The following CKAP5 variants were observed in gnomAD, a reference collection of about 807,000 sequenced individuals.
CKAP5 encodes the protein cytoskeleton-associated protein 5.
Under a neutral mutation model 232.8 loss-of-function variants are expected in CKAP5, and 27 were observed. The observed-to-expected ratio is 0.12, with a 90% confidence interval of 0.09 to 0.16. The LOEUF (loss-of-function observed/expected upper bound fraction) is 0.16. CKAP5 is among the 10% of genes least tolerant of loss of function. CKAP5 has a pLI of 1.00. For synonymous variants in CKAP5, 785 were observed against 841.1 expected, an observed-to-expected ratio of 0.93 and a Z score of 1.16; for missense variants, 1,838 against 2,424.7, an observed-to-expected ratio of 0.76 and a Z score of 5.08.
At chr11:46,804,444 T>C (rs1939107768) in intron 8 of CKAP5, among the ~76,000 whole-genome samples, 1 of 152,180 alleles carries the variant, frequency 6.6e-6, no homozygotes, top group Non-Finnish European at 1.5e-5. Flanking sequence ...TTTTCAGTAA[T>C]TTCTGTTCTA....
chr11:46,769,709 A>C (rs1296690233), intron 26 of CKAP5, among the ~76,000 whole-genome samples: 1 of 151,892 alleles, frequency 6.6e-6, no homozygotes, highest in Non-Finnish European at 1.5e-5. Context: ...AAAAAAAAAC[A>C]AAACAAAAAC....
chr11:46,806,229 GATTAT>G (rs1352573050), intron 8 of CKAP5, among the ~76,000 whole-genome samples: 1 of 152,146 alleles, frequency 6.6e-6, no homozygotes, highest in East Asian at 1.9e-4. Context: ...TACAGCAAGA[GATTAT>G]ATTTACATTC....
intron 18 of CKAP5, 87 bp from the exon 19 acceptor site, chr11:46,780,572 G>T: frequency 9.7e-7 from 1 of 1,034,302 alleles, no homozygotes; most frequent in Non-Finnish European, 1.4e-6. Flanking sequence ...TCTAGGACTG[G>T]CTCCCTTTGG....
At chr11:46,779,423 A>G (rs1340192106) in intron 20 of CKAP5, among the ~76,000 whole-genome samples, 5 of 152,054 alleles carry the variant, frequency 3.3e-5, no homozygotes, top group Non-Finnish European at 7.4e-5. Flanking sequence ...GTGAGCCACC[A>G]AGCCCGGCCA....
chr11:46,767,809 G>C, intron 26 of CKAP5, 146 bp from the exon 27 acceptor site: 1 of 521,382 alleles, frequency 1.9e-6, no homozygotes, highest in Non-Finnish European at 3.3e-6. Flanking sequence ...TTTTTTTTAT[G>C]AGACAGGATT....
chr11:46,744,423 T>C lies in CKAP5; in HGVS notation c.5856+3A>G, dbSNP rs1315037515. 6.2e-7 allele frequency: 1 copy of C among 1,614,042 alleles called. No homozygotes were observed. The highest frequency in any genetic ancestry group is 8.5e-7 in the Non-Finnish European group (1 of 1,180,028). On this transcript the variant is annotated splice_donor_region_variant and intron_variant, in intron 43 of 43. Coordinates refer to ENST00000529230, the MANE Select transcript of CKAP5 (RefSeq NM_001008938.4). ...GAACTGCACAGAAGAAAAGGAGCAGTACCTTTGTGTTGTCCAGACCACATC... is the reference window on the plus strand; with the variant it reads ...GAACTGCACAGAAGAAAAGGAGCAGCACCTTTGTGTTGTCCAGACCACATC...
intron 3 of CKAP5, among the ~76,000 whole-genome samples, chr11:46,816,800 T>TC: frequency 6.6e-6 from 1 of 151,306 alleles, no homozygotes; most frequent in South Asian, 2.1e-4. Context: ...TTTTTTTTTT[T>TC]TTTTTTTTTT....
chr11:46,748,621 A>T (rs1259080295), intron 42 of CKAP5, among the ~76,000 whole-genome samples: 1 of 151,922 alleles, frequency 6.6e-6, no homozygotes. Context: ...AAAAATACAA[A>T]AATTAGCCAT....
chr11:46,818,340 A>G lies in CKAP5; in HGVS notation c.221T>C (p.Val74Ala). Reference sequence around the variant, plus strand: ...TGCTACATGGGCATTTTCAACATAAACAAGTGCAGCTTCTAATCCTTTCAA... The same window carrying G: ...TGCTACATGGGCATTTTCAACATAAGCAAGTGCAGCTTCTAATCCTTTCAA... Reference protein sequence around the residue: ...VQLKGLEAALVYVENAHVAGK... With the variant: ...VQLKGLEAALAYVENAHVAGK... The change falls in exon 3 of 44, where the codon GTT (valine) becomes GCT (alanine). Residue 74 changes from valine to alanine, a missense_variant. Physicochemically the swap from Val to Ala is moderately conservative, Grantham distance 64. This residue lies in a region of CKAP5 where 285 missense variants were observed against 300.0 expected (regional missense o/e 0.95). Transcript: ENST00000529230. 6.3e-7 allele frequency: 1 copy of G among 1,598,000 alleles called. No individual in the cohort carries two copies. Among genetic ancestry groups the G allele is most frequent in the Middle Eastern group, 1.7e-4 (1 of 5,978 alleles).
At chr11:46,764,350 G>A (rs928946488) in intron 28 of CKAP5, among the ~76,000 whole-genome samples, 2 of 152,176 alleles carry the variant, frequency 1.3e-5, no homozygotes, top group African/African-American at 4.8e-5. Flanking sequence ...GTTTGTAATA[G>A]TGAAAGACCA....
chr11:46,770,136 A>G (rs2134605183), intron 25 of CKAP5, 38 bp from the exon 26 acceptor site: 1 of 1,599,742 alleles, frequency 6.3e-7, no homozygotes, highest in African/African-American at 1.3e-5. Context: ...GAGAGGTCAC[A>G]TAAATGATAA....
intron 12 of CKAP5, among the ~76,000 whole-genome samples, chr11:46,796,254 T>C (rs970893386): frequency 1.3e-5 from 2 of 151,790 alleles, no homozygotes; most frequent in African/African-American, 4.8e-5. Flanking sequence ...TGGCAGTAGA[T>C]AGACATACGT....
At chr11:46,745,726 G>A (rs1284050102) in intron 42 of CKAP5, among the ~76,000 whole-genome samples, 2 of 152,132 alleles carry the variant, frequency 1.3e-5, no homozygotes, top group Non-Finnish European at 2.9e-5. Flanking sequence ...GACCAAGACA[G>A]GTGGATCACT....
intron 43 of CKAP5, 56 bp from the exon 44 acceptor site, chr11:46,744,321 G>A: frequency 6.2e-7 from 1 of 1,612,504 alleles, no homozygotes; most frequent in Non-Finnish European, 8.5e-7. Flanking sequence ...TCAAGATGCA[G>A]CTCCAGAACT....
chr11:46,783,088 C>A, intron 18 of CKAP5, 186 bp downstream of exon 18: 1 of 384,334 alleles, frequency 2.6e-6, no homozygotes, highest in Non-Finnish European at 4.6e-6. Flanking sequence ...TTTCAGTGAA[C>A]ATCAAAAAGC....
chr11:46,787,533 T>C (rs2065406229), intron 16 of CKAP5, among the ~76,000 whole-genome samples: 1 of 152,152 alleles, frequency 6.6e-6, no homozygotes, highest in Non-Finnish European at 1.5e-5. Context: ...TCAGCTCTAT[T>C]ATCAGTTAAT....
intron 28 of CKAP5, 47 bp downstream of exon 28, chr11:46,765,084 T>C (rs377501478): frequency 5.1e-6 from 8 of 1,574,792 alleles, no homozygotes; most frequent in Non-Finnish European, 6.9e-6. Flanking sequence ...TATTCTTGAA[T>C]AACAATACAA....
At chr11:46,843,282 C>T (rs551926391) in intron 1 of CKAP5, among the ~76,000 whole-genome samples, 2 of 152,108 alleles carry the variant, frequency 1.3e-5, no homozygotes, top group Non-Finnish European at 2.9e-5. Context: ...GGTCTCTTGG[C>T]TCAACCACCT....
intron 43 of CKAP5, 29 bp downstream of exon 43, chr11:46,744,397 T>C (rs1380793009): frequency 3.1e-6 from 5 of 1,614,114 alleles, no homozygotes; most frequent in Non-Finnish European, 4.2e-6. Context: ...CTACCCTCCC[T>C]GAACTGCACA....
Sources: allele counts gnomAD v4.1 joint callset (sites outside exome capture counted in the v4.1 genomes callset), GRCh38; gene constraint gnomAD v4.1.1; regional missense constraint gnomAD v4.1.1; transcripts MANE v1.5; gene names NCBI Gene and HGNC (gene_info 2026-07-23, HGNC 2026-07-21).